Variants in CCDC50 observed in about 807,000 individuals in gnomAD.
CCDC50 encodes the protein coiled-coil domain containing 50.
Under a neutral mutation model 70.2 loss-of-function variants are expected in CCDC50, and 54 were observed. The ratio of observed to expected loss-of-function variants is 0.77; its 90% confidence interval spans 0.62 to 0.96. The LOEUF is 0.96. Ranked by LOEUF, CCDC50 falls within the 50% of genes least tolerant of loss-of-function variation. CCDC50 has a pLI of 0.00. For synonymous variants in CCDC50, 216 were observed against 198.8 expected (o/e 1.09, Z -0.73); for missense variants, 558 against 578.7 (o/e 0.96, Z 0.37).
chr3:191,375,705 T>G, intron 6 of CCDC50, 116 bp downstream of exon 6: 1 of 1,096,920 alleles, frequency 9.1e-7, no homozygotes, highest in Non-Finnish European at 1.3e-6. Flanking sequence ...CTCATGACTT[T>G]GAAATAAATC....
intron 4 of CCDC50, among the ~76,000 whole-genome samples, chr3:191,368,373 T>C (rs925646412): frequency 5.9e-5 from 9 of 152,196 alleles, no homozygotes; most frequent in South Asian, 4.1e-4. Flanking sequence ...GACATTTACA[T>C]AGATTACTTA....
At chr3:191,330,170 C>A (rs146100100) in intron 1 of CCDC50, among the ~76,000 whole-genome samples, 9 of 152,310 alleles carry the variant, frequency 5.9e-5, no homozygotes, top group African/African-American at 2.2e-4. Context: ...CCCTCCTTCT[C>A]TCCCTACTTT....
chr3:191,372,270 C>G (rs1712939656), intron 5 of CCDC50, among the ~76,000 whole-genome samples: 1 of 152,228 alleles, frequency 6.6e-6, no homozygotes, highest in South Asian at 2.1e-4. Flanking sequence ...TGGGGAGAGA[C>G]AGACTTTGAG....
Position 191,375,118 on chromosome 3 carries a change from A to G in CCDC50, c.505A>G (p.Arg169Gly). The G allele has an allele frequency of 6.2e-7, 1 of 1,613,702 alleles. No individual in the cohort carries two copies. The change falls in exon 6 of 12, where the codon AGA (arginine) becomes GGA (glycine). Residue 169 changes from arginine (R) to glycine (G), a missense_variant. Transcript: ENST00000392455. ...ELGSGFSRPC[R>G]LQRDGKTVKH... ...GGGTTCTGGATTCTCAAGACCTTGT[A>G]GACTCCAAAGAGATGGAAAGACTGT... is the stretch of plus-strand genomic sequence containing the variant.
At chr3:191,344,041 C>T (rs1711824112) in intron 1 of CCDC50, among the ~76,000 whole-genome samples, 1 of 152,174 alleles carries the variant, frequency 6.6e-6, no homozygotes, top group Non-Finnish European at 1.5e-5. Context: ...TGTAAATATG[C>T]GAGCACTTTG....
At chr3:191,363,372 T>TA (rs972182555) in intron 4 of CCDC50, among the ~76,000 whole-genome samples, 6 of 152,208 alleles carry the variant, frequency 3.9e-5, no homozygotes, top group African/African-American at 1.4e-4. Flanking sequence ...ACTTTGGAGT[T>TA]ACACTCACCT....
In CCDC50 at chr3:191,358,046, A is replaced by G. The variant is rs1421714565; in HGVS notation, c.161A>G (p.His54Arg). 3 of 1,613,944 alleles carry G rather than the reference A, an allele frequency of 1.9e-6. No homozygotes were observed. Among genetic ancestry groups the G allele is most frequent in the Non-Finnish European group, 2.5e-6 (3 of 1,179,926 alleles). ...SNVQRNRLVQHDLQVAKQLQE... is the reference protein window; with the variant it reads ...SNVQRNRLVQRDLQVAKQLQE... ...GTTCAGCGGAACCGTTTGGTCCAGC[A>G]TGATCTCCAGGTGGCTAAGCAGCTC... The change falls in exon 3 of 12, where the codon CAT becomes CGT. Residue 54 changes from histidine to arginine, a missense_variant. Coordinates refer to ENST00000392455, the MANE Select transcript of CCDC50 (RefSeq NM_178335.3).
chr3:191,378,545 A>AT (rs34858816), intron 6 of CCDC50, among the ~76,000 whole-genome samples: 87,673 of 151,742 alleles, frequency 0.58, 27,003 homozygotes, highest in African/African-American at 0.81. Context: ...TTGAAGTATC[A>AT]TTTTTTCTAT....
intron 6 of CCDC50, among the ~76,000 whole-genome samples, chr3:191,378,159 G>C (rs749440857): frequency 5.3e-4 from 81 of 152,010 alleles, no homozygotes; most frequent in Non-Finnish European, 1.1e-3. Context: ...AGATTCCAGT[G>C]ATACATCAAG....
Position 191,389,611 on chromosome 3 carries a change from A to G in CCDC50, c.1429+9A>G. ...AGAGTCCTCTCATAAAGGTAAGAAG[A>G]GTATGTATGGTCAAGTTTAGGATCT... is the stretch of plus-strand genomic sequence containing the variant. On this transcript the variant is annotated intron_variant, in intron 11 of 11. Transcript: ENST00000392455. The G allele has an allele frequency of 6.3e-7, 1 of 1,588,250 alleles. No homozygotes were observed. Among genetic ancestry groups the G allele is most frequent in the Non-Finnish European group, 8.6e-7 (1 of 1,156,450 alleles).
chr3:191,379,256 A>G (rs1713223326), intron 6 of CCDC50, among the ~76,000 whole-genome samples: 1 of 152,050 alleles, frequency 6.6e-6, no homozygotes, highest in Admixed American at 6.6e-5. Context: ...AAATATTTTT[A>G]TACGTGTTCA....
In CCDC50 at chr3:191,375,547, C is replaced by G. The variant is rs1044712520; in HGVS notation, c.934C>G (p.Pro312Ala). The G allele has an allele frequency of 1.2e-6, 2 of 1,613,304 alleles. No individual in the cohort carries two copies. The highest frequency in any genetic ancestry group is 1.7e-6 in the Non-Finnish European group (2 of 1,179,698). The stretch of plus-strand genomic sequence containing the variant: ...AAGGAGACACAGGCCCAGGACTCCT[C>G]CATTCTCAGAGAGTGAGGAGCAGCT... Reference protein sequence around the residue: ...RKRRHRPRTPPFSESEEQLHL... With the variant: ...RKRRHRPRTPAFSESEEQLHL... Residue 312 changes from proline to alanine, a missense_variant, in exon 6 of 12, where the codon CCA (proline) becomes GCA (alanine). Transcript: ENST00000392455.
chr3:191,375,603 G>A lies in CCDC50; in HGVS notation c.976+14G>A, dbSNP rs779635982. 2.5e-6 allele frequency: 4 copies of A among 1,610,966 alleles called. No individual in the cohort carries two copies. Among genetic ancestry groups the A allele is most frequent in the East Asian group, 2.2e-5 (1 of 44,674 alleles). On this transcript the variant is annotated intron_variant, in intron 6 of 11. Coordinates refer to ENST00000392455, the MANE Select transcript of CCDC50 (RefSeq NM_178335.3). ...TCCATGACGCAGGTAATAGAGGACA[G>A]TCTCGATGGAAGTCCTGGTATCATG...
intron 1 of CCDC50, among the ~76,000 whole-genome samples, chr3:191,329,944 G>T (rs113576372): frequency 0.18 from 5,348 of 29,000 alleles, 236 homozygotes; most frequent in East Asian, 0.51. Flanking sequence ...GGGGTGGTTG[G>T]GGGGGGGGGG....
intron 10 of CCDC50, among the ~76,000 whole-genome samples, chr3:191,388,420 A>T (rs753541873): frequency 1.6e-4 from 25 of 152,270 alleles, no homozygotes; most frequent in Non-Finnish European, 3.4e-4. Context: ...CATCTAACCT[A>T]ATCTGACTCA....
At chr3:191,361,888 A>G (rs928295488) in intron 4 of CCDC50, among the ~76,000 whole-genome samples, 24 of 152,162 alleles carry the variant, frequency 1.6e-4, no homozygotes, top group Middle Eastern at 3.2e-3. Context: ...GGAGCCAGGG[A>G]GTAGTCCTTG....
At chr3:191,390,320 A>G (rs1713647038) in intron 11 of CCDC50, among the ~76,000 whole-genome samples, 2 of 148,444 alleles carry the variant, frequency 1.3e-5, no homozygotes, top group Non-Finnish European at 3.0e-5. Context: ...GGAACAAAGC[A>G]TAAAGAAAAA....
intron 1 of CCDC50, among the ~76,000 whole-genome samples, chr3:191,335,681 G>GA (rs770249939): frequency 2.0e-5 from 3 of 151,648 alleles, no homozygotes; most frequent in East Asian, 1.9e-4. Context: ...TGAGAAAAAG[G>GA]AAAAAAAACA....
intron 5 of CCDC50, among the ~76,000 whole-genome samples, chr3:191,370,465 G>GT (rs907654212): frequency 3.5e-5 from 5 of 141,234 alleles, no homozygotes; most frequent in African/African-American, 1.3e-4. Context: ...ACATGCGGTG[G>GT]TTTTTTTTGT....
Sources: allele counts gnomAD v4.1 joint callset (sites outside exome capture counted in the v4.1 genomes callset), GRCh38; gene constraint gnomAD v4.1.1; transcripts MANE v1.5; gene names NCBI Gene and HGNC (gene_info 2026-07-23, HGNC 2026-07-21).